The following ADORA2B variants were observed in gnomAD, a reference collection of about 807,000 sequenced individuals.
ADORA2B encodes adenosine receptor A2b.
In ADORA2B, 18 loss-of-function variants were observed where a neutral mutation model predicts 20.8. The ratio of observed to expected loss-of-function variants is 0.87; its 90% CI spans 0.60 to 1.29. The LOEUF is 1.29. Among genes scored for constraint, ADORA2B ranks in the 50% most tolerant of loss-of-function variants. ADORA2B has a pLI of 0.00. For synonymous variants in ADORA2B, 179 were observed against 178.3 expected (o/e 1.00, Z -0.03); for missense variants, 441 against 422.7 (o/e 1.04, Z -0.38).
At chr17:15,964,841 C>T (rs1034977880) in intron 1 of ADORA2B, among the ~76,000 whole-genome samples, 2 of 151,800 alleles carry the variant, frequency 1.3e-5, no homozygotes, top group African/African-American at 4.8e-5. Context: ...GTGGGCGAAT[C>T]ACGAGGTCAG....
rs1969782946 is a variant in ADORA2B, at chr17:15,945,187, G to C, written c.-62G>C. 3 of 1,338,646 alleles carry C rather than the reference G, an allele frequency of 2.2e-6. No individual in the cohort carries two copies. The highest frequency in any genetic ancestry group is 3.1e-5 in the African/African-American group (2 of 64,434). The allele number at this position is 1,338,646 out of a possible 1,614,324, so 82.9% of individuals were successfully genotyped here. A position where few individuals can be genotyped will look rare whatever the true frequency, so the allele number is the denominator to read the frequency against. On this transcript the variant is annotated 5_prime_UTR_variant, in exon 1 of 2. Transcript: ENST00000304222. ...TATGGCCATGCCCGGCGGGTCTCAC[G>C]CGGCTGCCCCTCGCCCGGCGCGCCT...
chr17:15,898,781 A>G, the ADORA2B span, among the ~76,000 whole-genome samples: 1 of 152,148 alleles, frequency 6.6e-6, no homozygotes, highest in Non-Finnish European at 1.5e-5. Flanking sequence ...TTTTATTTGG[A>G]TGGATGGTCT....
chr17:15,934,649 TATA>T, the ADORA2B span, among the ~76,000 whole-genome samples: 1 of 152,196 alleles, frequency 6.6e-6, no homozygotes, highest in South Asian at 2.1e-4. Flanking sequence ...TGTCAGAATA[TATA>T]ATGATATAAA....
At chr17:15,872,591 T>G in the ADORA2B span, among the ~76,000 whole-genome samples, 1 of 152,000 alleles carries the variant, frequency 6.6e-6, no homozygotes, top group Non-Finnish European at 1.5e-5. Context: ...GTTTTGTGGT[T>G]CTTCTTGTAC....
chr17:15,950,103 A>AG (rs1969877854), intron 1 of ADORA2B, among the ~76,000 whole-genome samples: 1 of 152,196 alleles, frequency 6.6e-6, no homozygotes, highest in African/African-American at 2.4e-5. Flanking sequence ...AAAACCCCAC[A>AG]AATACTGCTT....
At chr17:15,956,405 A>C (rs1969966465) in intron 1 of ADORA2B, among the ~76,000 whole-genome samples, 1 of 151,864 alleles carries the variant, frequency 6.6e-6, no homozygotes, top group African/African-American at 2.4e-5. Context: ...TTCTTTTCTT[A>C]ATCCCATTCT....
At chr17:15,924,284 T>A in the ADORA2B span, among the ~76,000 whole-genome samples, 4 of 152,248 alleles carry the variant, frequency 2.6e-5, no homozygotes, top group African/African-American at 9.6e-5. Context: ...TGTGCTCCTT[T>A]ATAACCTTCT....
the ADORA2B span, among the ~76,000 whole-genome samples, chr17:15,917,792 A>AG: frequency 2.0e-5 from 3 of 152,198 alleles, no homozygotes; most frequent in African/African-American, 7.2e-5. Flanking sequence ...TGGCGCGGGC[A>AG]GGGGCGCGCA....
At chr17:15,864,633 G>A in the ADORA2B span, among the ~76,000 whole-genome samples, 6 of 152,092 alleles carry the variant, frequency 3.9e-5, no homozygotes, top group East Asian at 1.9e-4. Context: ...GAGAACGTGA[G>A]GGGGAGGGGA....
At chr17:15,901,591 C>G in the ADORA2B span, among the ~76,000 whole-genome samples, 4 of 152,244 alleles carry the variant, frequency 2.6e-5, no homozygotes, top group East Asian at 5.8e-4. Context: ...ATTGAACCCT[C>G]ATGGAGGTTC....
At chr17:15,917,042 C>T in the ADORA2B span, among the ~76,000 whole-genome samples, 5 of 152,178 alleles carry the variant, frequency 3.3e-5, no homozygotes, top group East Asian at 3.9e-4. Flanking sequence ...AAAACAAGGC[C>T]GGGCACAGTG....
chr17:15,862,542 C>T, the ADORA2B span, among the ~76,000 whole-genome samples: 2 of 152,224 alleles, frequency 1.3e-5, no homozygotes, highest in East Asian at 1.9e-4. Flanking sequence ...TGGTGTCTTA[C>T]GCTATTTCAG....
At chr17:15,927,690 A>G in the ADORA2B span, among the ~76,000 whole-genome samples, 2 of 152,152 alleles carry the variant, frequency 1.3e-5, no homozygotes, top group Non-Finnish European at 2.9e-5. Context: ...CTAGCATGCC[A>G]TTGCAGTAGT....
At chr17:15,940,715 C>T (rs1271790016), upstream of ADORA2B, among the ~76,000 whole-genome samples, 4 of 152,220 alleles carry the variant, frequency 2.6e-5, no homozygotes, top group Admixed American at 6.5e-5. Context: ...ATGCCCCTTC[C>T]TCTTCCCCAT....
chr17:15,880,097 G>A, the ADORA2B span, among the ~76,000 whole-genome samples: 1 of 145,056 alleles, frequency 6.9e-6, no homozygotes, highest in South Asian at 2.2e-4. Context: ...GGGGCTCAGG[G>A]TGTGAGTGGT....
At chr17:15,924,822 C>G in the ADORA2B span, among the ~76,000 whole-genome samples, 57 of 151,936 alleles carry the variant, frequency 3.8e-4, 1 homozygote, top group South Asian at 3.5e-3. Context: ...TGTTTACCCC[C>G]CTTAGCCCCT....
the ADORA2B span, among the ~76,000 whole-genome samples, chr17:15,932,699 G>A: frequency 6.6e-6 from 1 of 152,132 alleles, no homozygotes; most frequent in East Asian, 1.9e-4. Flanking sequence ...TTGTTAAAAA[G>A]GCTATTCTTT....
chr17:15,941,278 C>T (rs909135592), upstream of ADORA2B, among the ~76,000 whole-genome samples: 1 of 152,050 alleles, frequency 6.6e-6, no homozygotes, highest in African/African-American at 2.4e-5. Context: ...TTAGCCTGAC[C>T]CTGTGAAGTA....
chr17:15,900,271 C>T, the ADORA2B span, among the ~76,000 whole-genome samples: 1 of 152,032 alleles, frequency 6.6e-6, no homozygotes, highest in South Asian at 2.1e-4. Flanking sequence ...TGGATATATA[C>T]CCAGTAATGG....
Sources: allele counts gnomAD v4.1 joint callset (sites outside exome capture counted in the v4.1 genomes callset), GRCh38; gene constraint gnomAD v4.1.1; transcripts MANE v1.5; gene names NCBI Gene and HGNC (gene_info 2026-07-23, HGNC 2026-07-21).